The following COL4A2 variants were observed in gnomAD, a reference collection of about 807,000 sequenced individuals.
COL4A2 encodes collagen type IV alpha 2 chain.
In COL4A2, 99 loss-of-function variants were observed where a neutral mutation model predicts 200.2. The observed-to-expected ratio is 0.49, with a 90% CI of 0.42 to 0.58. The LOEUF (loss-of-function observed/expected upper bound fraction) is 0.58, where lower values mean the gene tolerates loss of function less well. Ranked by LOEUF, COL4A2 falls within the 20% of genes least tolerant of loss-of-function variation. COL4A2 has a pLI of 0.00. For missense variants in COL4A2, 1,950 were observed against 2,314.1 expected, an observed-to-expected ratio of 0.84 and a Z score of 3.23; for synonymous variants, 897 against 900.6, an observed-to-expected ratio of 1.00 and a Z score of 0.07.
chr13:110,379,838 T>A (rs1225592089), intron 4 of COL4A2, among the ~76,000 whole-genome samples: 1 of 152,192 alleles, frequency 6.6e-6, no homozygotes, highest in Admixed American at 6.5e-5. Context: ...CCCTTGTCAT[T>A]ATTTGGGAGG....
chr13:110,438,315 G>A (rs1455807104), intron 14 of COL4A2, among the ~76,000 whole-genome samples: 1 of 152,218 alleles, frequency 6.6e-6, no homozygotes, highest in African/African-American at 2.4e-5. Flanking sequence ...TTCCACTCAG[G>A]CGCCACCGGG....
At chr13:110,380,040 C>T (rs1251836399) in intron 4 of COL4A2, among the ~76,000 whole-genome samples, 1 of 152,202 alleles carries the variant, frequency 6.6e-6, no homozygotes, top group Non-Finnish European at 1.5e-5. Flanking sequence ...GCCAGCTAGT[C>T]CTGTTCTGAG....
chr13:110,467,049 G>A lies in COL4A2; in HGVS notation c.2048G>A (p.Gly683Glu). 1 of 1,613,886 alleles carries A rather than the reference G, an allele frequency of 6.2e-7. No individual in the cohort carries two copies. Among genetic ancestry groups the A allele is most frequent in the Non-Finnish European group, 8.5e-7 (1 of 1,179,966 alleles). The change falls in exon 27 of 48, where the codon GGA (glycine) becomes GAA (glutamate). Residue 683 changes from glycine to glutamate, a missense_variant. Gly to Glu is a moderately conservative substitution (Grantham distance 98). This residue lies in a region of COL4A2 where 1,385 missense variants were observed against 1,720.5 expected (regional missense o/e 0.80). Transcript: ENST00000360467. The part of the protein sequence containing the change: ...RQEAIQPGCI[G>E]GPKGLPGLPG... ...TCCTTTCTGTCCCCAGGTTGCATAG[G>A]AGGGCCCAAGGGATTGCCAGGCCTG...
At chr13:110,367,542 A>C (rs1433356543) in intron 4 of COL4A2, among the ~76,000 whole-genome samples, 1 of 152,260 alleles carries the variant, frequency 6.6e-6, no homozygotes, top group Non-Finnish European at 1.5e-5. Context: ...GGTGGTGATT[A>C]TGGCATTGTA....
At chr13:110,343,792 T>A (rs1215370626) in intron 3 of COL4A2, among the ~76,000 whole-genome samples, 2 of 152,250 alleles carry the variant, frequency 1.3e-5, no homozygotes, top group African/African-American at 4.8e-5. Context: ...ATCTCTTTCA[T>A]TCCATGCTTT....
At chr13:110,478,557 G>A (rs1051857327) in intron 30 of COL4A2, among the ~76,000 whole-genome samples, 22 of 152,194 alleles carry the variant, frequency 1.4e-4, no homozygotes, top group Non-Finnish European at 2.5e-4. Flanking sequence ...GCAGAGGAGC[G>A]GGGAGGGGAG....
chr13:110,430,927 C>A, intron 10 of COL4A2: 1 of 546,930 alleles, frequency 1.8e-6, no homozygotes, highest in Non-Finnish European at 3.5e-6. Context: ...CTGGGCAAGG[C>A]AAACCAAAGT....
intron 4 of COL4A2, among the ~76,000 whole-genome samples, chr13:110,398,113 T>TC (rs1879245398): frequency 6.6e-6 from 1 of 151,936 alleles, no homozygotes; most frequent in South Asian, 2.1e-4. Flanking sequence ...TTTTTTTTTT[T>TC]CCTACTGCTT....
At position 110,307,757 on chromosome 13, in the gene COL4A2, G is replaced by T. The variant is rs976555138; in HGVS notation, c.-44-103G>T. 2 of 1,121,076 alleles carry T rather than the reference G, an allele frequency of 1.8e-6. No homozygotes were observed. Among genetic ancestry groups the T allele is most frequent in the African/African-American group, 1.6e-5 (1 of 63,404 alleles). 69.4% of individuals were successfully genotyped at this position (1,121,076 alleles called of 1,614,324 possible). On this transcript the variant is annotated intron_variant, in intron 1 of 47. Transcript: ENST00000360467. This position sits in a 1 kb window ranked among gnomAD's most constrained non-coding sequence, Gnocchi z 5.0. ...GCCCTCCGGTCACCCCTGCATGCGG[G>T]CCGCGCACCGCGCTGTCCCCGCGTC... is the stretch of plus-strand genomic sequence containing the variant.
At chr13:110,393,989 G>T (rs980792501) in intron 4 of COL4A2, among the ~76,000 whole-genome samples, 1 of 152,142 alleles carries the variant, frequency 6.6e-6, no homozygotes, top group Non-Finnish European at 1.5e-5. Flanking sequence ...TGAGGTGTTG[G>T]CCATACCCCC....
rs1566553395 is a variant in COL4A2, at chr13:110,472,126, T to TTC, written c.2204-803_2204-802insTC. ...ATTTTCTTTTTTCTTTTTATTTTTT[T>TTC]CTCTTTTGAGATGGAATCTCACTCT... On this transcript the variant is annotated intron_variant, in intron 28 of 47. Transcript: ENST00000360467. Among the ~76,000 whole-genome samples, 6 of 140,204 alleles carry TTC rather than the reference T, an allele frequency of 4.3e-5. No individual in the cohort carries two copies. The East Asian group carries it at 1.3e-3, about 31-fold the overall frequency. 92.0% of individuals were successfully genotyped at this position (140,204 alleles called of 152,430 possible). A position where few individuals can be genotyped will look rare whatever the true frequency, so the allele number is the denominator to read the frequency against.
At chr13:110,450,763 G>A (rs1012311404) in intron 20 of COL4A2, among the ~76,000 whole-genome samples, 3 of 152,182 alleles carry the variant, frequency 2.0e-5, no homozygotes, top group Admixed American at 6.5e-5. Flanking sequence ...TCTGAGCTGC[G>A]CAGTCTGGAA....
At chr13:110,370,225 A>C (rs1343424624) in intron 4 of COL4A2, among the ~76,000 whole-genome samples, 1 of 144,426 alleles carries the variant, frequency 6.9e-6, no homozygotes, top group Non-Finnish European at 1.5e-5. Flanking sequence ...AAAAAAAACA[A>C]GGGTTTTTTT....
chr13:110,489,833 C>A, intron 36 of COL4A2, 48 bp downstream of exon 36: 6 of 1,561,950 alleles, frequency 3.8e-6, no homozygotes, highest in East Asian at 2.2e-5. Context: ...CAGCCCTGAG[C>A]CTTTGTCTAG....
At chr13:110,394,198 A>G (rs1326552002) in intron 4 of COL4A2, among the ~76,000 whole-genome samples, 1 of 152,242 alleles carries the variant, frequency 6.6e-6, no homozygotes, top group Non-Finnish European at 1.5e-5. Context: ...GTAAAACAAG[A>G]GAAAACATTG....
intron 3 of COL4A2, among the ~76,000 whole-genome samples, chr13:110,349,198 G>C (rs1876840691): frequency 1.3e-5 from 2 of 152,088 alleles, no homozygotes; most frequent in African/African-American, 2.4e-5. Flanking sequence ...TGGCATTCAG[G>C]TTGTCATTTA....
rs919222319 is a variant in COL4A2, at chr13:110,501,737, C to G, written c.3830C>G (p.Ser1277Cys). The change falls in exon 41 of 48, where the codon TCT (serine) becomes TGT (cysteine). Residue 1277 changes from serine (S) to cysteine (C), a missense_variant. Around this residue, in one of 2 missense-constraint regions of COL4A2, gnomAD observed 1,385 missense variants for 1,720.5 expected, o/e 0.80. Coordinates refer to ENST00000360467, the MANE Select transcript of COL4A2 (RefSeq NM_001846.4). ...GGTATCACACCCCCTTCCAACATCT[C>G]TGGGGCACCTGGTGACAAAGGGGCG... The part of the protein sequence containing the change: ...FPGITPPSNI[S>C]GAPGDKGAPG... 4 of 1,613,578 alleles carry G rather than the reference C, an allele frequency of 2.5e-6. No homozygotes were observed. The highest frequency in any genetic ancestry group is 1.7e-5 in the Admixed American group (1 of 59,966).
chr13:110,346,985 G>A (rs1266115452), intron 3 of COL4A2, among the ~76,000 whole-genome samples: 6 of 152,210 alleles, frequency 3.9e-5, no homozygotes, highest in Non-Finnish European at 7.3e-5. Flanking sequence ...CTGGGTCCAC[G>A]CCTCCGCATG....
At chr13:110,328,172 CACTT>C (rs1477832811) in intron 3 of COL4A2, among the ~76,000 whole-genome samples, 2 of 152,166 alleles carry the variant, frequency 1.3e-5, no homozygotes, top group Non-Finnish European at 2.9e-5. Flanking sequence ...ACTTCTGGGA[CACTT>C]ACTTGTGGGC....
Sources: gnomAD v4.1 joint callset for allele counts (sites outside exome capture counted in the v4.1 genomes callset) on GRCh38, gnomAD v4.1.1 for gene constraint, gnomAD v4.1.1 regional missense constraint, Gnocchi (gnomAD v3.1) non-coding constraint, MANE v1.5 for transcripts, NCBI Gene and HGNC (gene_info 2026-07-23, HGNC 2026-07-21) for gene names.